Variants in RYR3 observed in about 807,000 individuals in gnomAD.
RYR3 encodes brain ryanodine receptor-calcium release channel.
RYR3 carries 207 observed loss-of-function variants against 584.3 expected under a neutral mutation model. That is an observed-to-expected ratio of 0.35 (90% CI 0.32 to 0.40). RYR3 has a LOEUF of 0.40. RYR3 is among the 10% of genes least tolerant of loss of function. The probability of loss-of-function intolerance (pLI) is 1.00; values close to 1 mark genes in which losing one functional copy is unlikely to be tolerated. For missense variants in RYR3, 5,616 were observed against 6,089.2 expected, an observed-to-expected ratio of 0.92 and a Z score of 2.59; for synonymous variants, 2,416 against 2,248.5, an observed-to-expected ratio of 1.07 and a Z score of -2.11.
intron 38 of RYR3, among the ~76,000 whole-genome samples, chr15:33,686,565 T>A (rs759024999): frequency 7.2e-5 from 11 of 152,268 alleles, no homozygotes; most frequent in Admixed American, 3.3e-4. Context: ...AATCCTCCCT[T>A]ACTCATTTTA....
chr15:33,601,690 C>T, intron 17 of RYR3, 138 bp downstream of exon 17: 1 of 850,228 alleles, frequency 1.2e-6, no homozygotes, highest in Non-Finnish European at 1.8e-6. Context: ...AAGACAAGAC[C>T]AAGCAAATGT....
At chr15:33,734,895 TAGCC>T in intron 48 of RYR3, among the ~76,000 whole-genome samples, 1 of 151,990 alleles carries the variant, frequency 6.6e-6, no homozygotes, top group Non-Finnish European at 1.5e-5. Context: ...TTCACCATGT[TAGCC>T]AGGCTGGTCT....
intron 18 of RYR3, among the ~76,000 whole-genome samples, chr15:33,611,819 C>T (rs1213148119): frequency 1.3e-5 from 2 of 151,948 alleles, no homozygotes; most frequent in Non-Finnish European, 2.9e-5. Flanking sequence ...TCATCACGCC[C>T]AGCTAATTTT....
intron 62 of RYR3, among the ~76,000 whole-genome samples, chr15:33,771,417 C>G (rs2073563980): frequency 1.3e-5 from 2 of 149,214 alleles, no homozygotes; most frequent in Admixed American, 6.6e-5. Context: ...GCCTGTAATC[C>G]CAGCTACTCG....
intron 5 of RYR3, among the ~76,000 whole-genome samples, chr15:33,536,953 T>C (rs142814463): frequency 1.9e-3 from 288 of 152,346 alleles, no homozygotes; most frequent in Middle Eastern, 6.8e-3. Context: ...ATTTTGCTTT[T>C]ATTTCACTCT....
intron 63 of RYR3, among the ~76,000 whole-genome samples, chr15:33,772,826 T>C (rs1385505583): frequency 2.0e-5 from 3 of 152,198 alleles, no homozygotes; most frequent in African/African-American, 7.2e-5. Flanking sequence ...TGGAAGAACA[T>C]CCAAACTCAT....
At chr15:33,527,753 A>G (rs1251594106) in intron 3 of RYR3, among the ~76,000 whole-genome samples, 2 of 152,190 alleles carry the variant, frequency 1.3e-5, no homozygotes, top group African/African-American at 4.8e-5. Flanking sequence ...GTTTTTGAGC[A>G]AGAAAGTAAC....
intron 60 of RYR3, among the ~76,000 whole-genome samples, chr15:33,759,454 G>T (rs572579341): frequency 6.6e-5 from 10 of 152,290 alleles, no homozygotes; most frequent in African/African-American, 2.4e-4. Context: ...GAACATAAAT[G>T]ACCTGATGGA....
chr15:33,854,277 A>G, intron 96 of RYR3, 112 bp from the exon 97 acceptor site: 3 of 757,708 alleles, frequency 4.0e-6, no homozygotes, highest in Non-Finnish European at 4.4e-6. Context: ...TAAAGCTGAG[A>G]GCCATATTTA....
chr15:33,319,369 G>C (rs1227417790), intron 1 of RYR3, among the ~76,000 whole-genome samples: 1 of 152,210 alleles, frequency 6.6e-6, no homozygotes, highest in Non-Finnish European at 1.5e-5. Flanking sequence ...TGGTCTTGGA[G>C]TAGCATAAGC....
At chr15:33,634,897 C>A (rs1404202276) in intron 25 of RYR3, among the ~76,000 whole-genome samples, 164 bp downstream of exon 25, 1 of 152,074 alleles carries the variant, frequency 6.6e-6, no homozygotes, top group Non-Finnish European at 1.5e-5. Flanking sequence ...ATCGGGGAGA[C>A]CATGTTTGAT....
chr15:33,520,320 G>A (rs940276584), intron 3 of RYR3, among the ~76,000 whole-genome samples: 3 of 152,104 alleles, frequency 2.0e-5, no homozygotes, highest in Non-Finnish European at 2.9e-5. Context: ...CAAGGTAATC[G>A]GACTTTTTGA....
chr15:33,435,146 T>C (rs539897273), intron 1 of RYR3, among the ~76,000 whole-genome samples: 1 of 150,964 alleles, frequency 6.6e-6, no homozygotes, highest in East Asian at 1.9e-4. Flanking sequence ...CAGGGGTACA[T>C]GTGCAGGTTT....
chr15:33,370,287 C>A (rs375580297), intron 1 of RYR3, among the ~76,000 whole-genome samples: 1 of 152,206 alleles, frequency 6.6e-6, no homozygotes, highest in Non-Finnish European at 1.5e-5. Flanking sequence ...CACTCTGACA[C>A]GGTTTCCACA....
intron 76 of RYR3, among the ~76,000 whole-genome samples, chr15:33,819,135 A>G (rs1484981873): frequency 6.6e-6 from 1 of 152,054 alleles, no homozygotes; most frequent in Non-Finnish European, 1.5e-5. Context: ...AGAAAAAAAG[A>G]CATGTCTAGG....
chr15:33,780,394 G>A (rs1471905871), intron 65 of RYR3, 53 bp downstream of exon 65: 1 of 1,589,050 alleles, frequency 6.3e-7, no homozygotes, highest in Non-Finnish European at 8.6e-7. Flanking sequence ...TGAGAGGAGA[G>A]GAGCCACACA....
At chr15:33,805,643 A>AC (rs2076155553) in intron 69 of RYR3, among the ~76,000 whole-genome samples, 7 of 151,324 alleles carry the variant, frequency 4.6e-5, no homozygotes, top group African/African-American at 1.7e-4. Flanking sequence ...ACGCCCGGCT[A>AC]ATTTTTTGTA....
intron 1 of RYR3, among the ~76,000 whole-genome samples, chr15:33,426,312 T>C (rs975405244): frequency 1.3e-5 from 2 of 152,158 alleles, no homozygotes; most frequent in Non-Finnish European, 2.9e-5. Context: ...ACGTGGCAAA[T>C]GTGGGCATCC....
chr15:33,689,786 TTGTC>T (rs10578027), intron 38 of RYR3, among the ~76,000 whole-genome samples: 127,312 of 151,766 alleles, frequency 0.84, 53,800 homozygotes, highest in Admixed American at 0.91. Flanking sequence ...TATTTCCTAA[TTGTC>T]TGAGACAACA....
Sources: allele counts gnomAD v4.1 joint callset (sites outside exome capture counted in the v4.1 genomes callset), GRCh38; gene constraint gnomAD v4.1.1; transcripts MANE v1.5; gene names NCBI Gene and HGNC (gene_info 2026-07-23, HGNC 2026-07-21).